Variants in ANAPC15 observed in about 807,000 individuals in gnomAD.
The protein encoded by ANAPC15 is anaphase promoting complex subunit 15.
ANAPC15 carries 13 observed loss-of-function variants against 19.8 expected under a neutral mutation model. That is an observed-to-expected ratio of 0.66 (90% CI 0.43 to 1.04). The LOEUF is 1.04. Among genes scored for constraint, ANAPC15 ranks in the 50% least tolerant of loss-of-function variants. The probability of loss-of-function intolerance (pLI) is 0.00; values close to 1 mark genes in which losing one functional copy is unlikely to be tolerated. For missense variants in ANAPC15, 88 were observed against 150.3 expected, an observed-to-expected ratio of 0.59 and a Z score of 2.17; for synonymous variants, 45 against 50.7, an observed-to-expected ratio of 0.89 and a Z score of 0.47.
chr11:72,110,072 C>G lies in ANAPC15; in HGVS notation c.318+16G>C, dbSNP rs369633633. The G allele has an allele frequency of 9.3e-6, 15 of 1,613,966 alleles. No individual in the cohort carries two copies. Among genetic ancestry groups the G allele is most frequent in the African/African-American group, 1.3e-5 (1 of 74,918 alleles). On this transcript the variant is annotated intron_variant, in intron 5 of 5. Coordinates refer to ENST00000227618, the MANE Select transcript of ANAPC15 (RefSeq NM_014042.3). Reference sequence around the variant, plus strand: ...GGGTCCAGGAACAGAGGCCCTCCCCCATACCCCTTGCCTACCTCATTGACC... The same window carrying G: ...GGGTCCAGGAACAGAGGCCCTCCCCGATACCCCTTGCCTACCTCATTGACC...
chr11:72,111,367 G>A, intron 2 of ANAPC15, 45 bp downstream of exon 2: 1 of 1,112,172 alleles, frequency 9.0e-7, no homozygotes. Context: ...GGATAGGGTG[G>A]AAGACAGCAG....
rs1946843473 is a variant in ANAPC15, at chr11:72,111,293, G to A, written c.-10-7C>T. ...AGTGGACATGGCTCCTAGACTGAGGGAAAGGGTCAAGTGAATGTGTTTTGC... is the reference window on the plus strand; with the variant it reads ...AGTGGACATGGCTCCTAGACTGAGGAAAAGGGTCAAGTGAATGTGTTTTGC... On this transcript the variant is annotated splice_polypyrimidine_tract_variant and splice_region_variant and intron_variant, in intron 2 of 5. Transcript: ENST00000227618. 2.5e-6 allele frequency: 4 copies of A among 1,583,536 alleles called. No individual in the cohort carries two copies. The highest frequency in any genetic ancestry group is 1.7e-5 in the Admixed American group (1 of 59,326).
downstream of ANAPC15, chr11:72,109,013 C>T (rs948059983): frequency 1.0e-5 from 12 of 1,173,120 alleles, no homozygotes; most frequent in Non-Finnish European, 1.4e-5. Context: ...CTGTTTGGGG[C>T]CTTGACACAC....
downstream of ANAPC15, chr11:72,109,483 C>T: frequency 2.6e-6 from 1 of 388,784 alleles, no homozygotes. Context: ...GCCCACCTAG[C>T]CAATTAGGTG....
At chr11:72,108,159 C>T (rs1945901800), downstream of ANAPC15, 2 of 1,451,210 alleles carry the variant, frequency 1.4e-6, no homozygotes. Flanking sequence ...TTTGTCACCC[C>T]AGGCCTTGCC....
Position 72,109,610 on chromosome 11 carries a change from A to G in ANAPC15, c.*271T>C, listed in dbSNP as rs1946150429. On this transcript the variant is annotated 3_prime_UTR_variant, in exon 6 of 6. Coordinates refer to ENST00000227618, the MANE Select transcript of ANAPC15 (RefSeq NM_014042.3). ...GGTGGAAAATCACTCCTTTGTCTTTATTAAAGAAACTTAGACCAGACCTGG... is the reference window on the plus strand; with the variant it reads ...GGTGGAAAATCACTCCTTTGTCTTTGTTAAAGAAACTTAGACCAGACCTGG... The G allele has an allele frequency of 1.7e-6, 1 of 575,280 alleles. No homozygotes were observed. Among genetic ancestry groups the G allele is most frequent in the African/African-American group, 1.9e-5 (1 of 53,418 alleles). 35.6% of individuals were successfully genotyped at this position (575,280 alleles called of 1,614,324 possible).
chr11:72,110,789 C>G (rs147422048), intron 3 of ANAPC15, 186 bp from the exon 4 acceptor site: 4 of 617,384 alleles, frequency 6.5e-6, no homozygotes, highest in South Asian at 2.0e-5. Flanking sequence ...AATACTTAAA[C>G]TCTCTGAGCC....
downstream of ANAPC15, chr11:72,108,715 G>C: frequency 6.5e-7 from 1 of 1,549,768 alleles, no homozygotes; most frequent in Non-Finnish European, 8.7e-7. Flanking sequence ...GATGTTACCT[G>C]AGGGACCTGC....
downstream of ANAPC15, chr11:72,108,672 G>T (rs61741195): frequency 1.3e-6 from 2 of 1,535,414 alleles, no homozygotes; most frequent in African/African-American, 1.4e-5. Flanking sequence ...CAGCTGAGTC[G>T]GGCAGACCTG....
downstream of ANAPC15, chr11:72,107,844 G>C (rs1483828442): frequency 1.3e-6 from 2 of 1,485,302 alleles, no homozygotes; most frequent in Non-Finnish European, 9.2e-7. Flanking sequence ...AGTGAGGCAG[G>C]TAGGCATTTG....
At chr11:72,107,229 T>G (rs146662171), downstream of ANAPC15, 10,867 of 579,828 alleles carry the variant, frequency 0.019, 151 homozygotes, top group Middle Eastern at 0.046. Context: ...ATCATGCTAC[T>G]GCACTCCAGC....
downstream of ANAPC15, chr11:72,109,175 C>T (rs1946070604): frequency 1.9e-6 from 1 of 530,658 alleles, no homozygotes; most frequent in Non-Finnish European, 3.4e-6. Flanking sequence ...GAAGCCTGAG[C>T]TCCCGACCCA....
chr11:72,112,235 T>A (rs1343875346), intron 1 of ANAPC15: 1 of 156,844 alleles, frequency 6.4e-6, no homozygotes. Flanking sequence ...CAAGAAGTAC[T>A]GACAGACCAG....
chr11:72,107,389 T>C, downstream of ANAPC15: 1 of 687,402 alleles, frequency 1.5e-6, no homozygotes, highest in East Asian at 2.7e-5. Flanking sequence ...GATAGGGTGG[T>C]TGTTTCTGCC....
chr11:72,112,771 G>A (rs1432452676), upstream of ANAPC15: 3 of 455,858 alleles, frequency 6.6e-6, no homozygotes, highest in Non-Finnish European at 1.3e-5. Context: ...TGTTTTCCCC[G>A]CTCCCGCCCA....
At chr11:72,111,926 T>G (rs1947089860) in intron 1 of ANAPC15, 1 of 153,200 alleles carries the variant, frequency 6.5e-6, no homozygotes, top group African/African-American at 2.4e-5. Context: ...GAACTAACAT[T>G]ATAAGGGTAC....
At chr11:72,107,123 C>T (rs1368478740), downstream of ANAPC15, 4 of 331,602 alleles carry the variant, frequency 1.2e-5, no homozygotes, top group African/African-American at 2.3e-5. Flanking sequence ...AAAAATTAGC[C>T]GGGTGTGGTG....
downstream of ANAPC15, chr11:72,109,071 C>T (rs553247286): frequency 1.5e-6 from 1 of 688,070 alleles, no homozygotes; most frequent in Non-Finnish European, 2.4e-6. Context: ...TGACCTCTTT[C>T]AGCCTCTACA....
chr11:72,112,034 T>C (rs1591208960), intron 1 of ANAPC15: 1 of 152,796 alleles, frequency 6.5e-6, no homozygotes, highest in East Asian at 1.9e-4. Context: ...AGGCAGAGAC[T>C]GGCTTTAGGT....
Sources: allele counts gnomAD v4.1 joint callset, GRCh38; gene constraint gnomAD v4.1.1; transcripts MANE v1.5; gene names NCBI Gene and HGNC (gene_info 2026-07-23, HGNC 2026-07-21).